The following PRSS54 variants were observed in gnomAD, a reference collection of about 807,000 sequenced individuals.
PRSS54 encodes serine protease 54.
PRSS54 carries 16 observed loss-of-function variants against 19.9 expected under a neutral mutation model. The ratio of observed to expected loss-of-function variants is 0.80; its 90% CI spans 0.54 to 1.22. The LOEUF (loss-of-function observed/expected upper bound fraction) is 1.22, where lower values mean the gene tolerates loss of function less well. PRSS54 is among the 50% of genes most tolerant of loss of function. The pLI, the probability that PRSS54 is intolerant of heterozygous loss-of-function variation, is 0.00. For missense variants in PRSS54, 444 were observed against 494.8 expected (o/e 0.90, Z 0.97); for synonymous variants, 177 against 195.8 (o/e 0.90, Z 0.80).
intron 5 of PRSS54, 75 bp from the exon 6 acceptor site, chr16:58,284,796 T>A: frequency 6.5e-7 from 1 of 1,546,862 alleles, no homozygotes; most frequent in Non-Finnish European, 8.8e-7. Context: ...CTCCCACTCA[T>A]ATAGCCAAAC....
In PRSS54 at chr16:58,293,842, T is replaced by A. The variant is rs1965091799; in HGVS notation, c.-6-20A>T. ...GGGCAGCTGGGGAAACAAAACCCAA[T>A]GACTCCATCCTCTTCCCAAACACAT... On this transcript the variant is annotated intron_variant, in intron 2 of 6. Coordinates refer to ENST00000567164, the MANE Select transcript of PRSS54 (RefSeq NM_001305173.2). The A allele has an allele frequency of 6.3e-7, 1 of 1,598,316 alleles. No homozygotes were observed. Among genetic ancestry groups the A allele is most frequent in the Non-Finnish European group, 8.5e-7 (1 of 1,170,448 alleles).
At chr16:58,293,129 T>G (rs1444041543) in intron 3 of PRSS54, among the ~76,000 whole-genome samples, 2 of 152,042 alleles carry the variant, frequency 1.3e-5, no homozygotes, top group East Asian at 3.9e-4. Context: ...GTGTGTGGAC[T>G]TTCTCATGTC....
intron 3 of PRSS54, among the ~76,000 whole-genome samples, chr16:58,291,899 T>C (rs887174898): frequency 6.6e-6 from 1 of 152,202 alleles, no homozygotes. Flanking sequence ...GCTAGTAGTA[T>C]GTGTGACCTT....
At chr16:58,282,576 GTGA>G (rs1447661016) in intron 6 of PRSS54, 1 of 152,402 alleles carries the variant, frequency 6.6e-6, no homozygotes, top group African/African-American at 2.4e-5. Context: ...TGATTCCCTG[GTGA>G]TCTCTCAGCA....
chr16:58,291,158 TCA>T (rs771934645), intron 3 of PRSS54, 22 bp from the exon 4 acceptor site: 56 of 1,610,512 alleles, frequency 3.5e-5, no homozygotes, highest in Admixed American at 3.0e-4. Flanking sequence ...GTGCGGGGCC[TCA>T]CTGCCGGGGC....
intron 4 of PRSS54, among the ~76,000 whole-genome samples, chr16:58,290,128 A>C (rs1416431313): frequency 4.2e-5 from 6 of 143,762 alleles, no homozygotes; most frequent in African/African-American, 1.5e-4. Context: ...CATATAATAA[A>C]GTATATAATT....
At chr16:58,292,842 C>A (rs1298888076) in intron 3 of PRSS54, among the ~76,000 whole-genome samples, 1 of 152,176 alleles carries the variant, frequency 6.6e-6, no homozygotes. Flanking sequence ...CTCACAAAAC[C>A]CTTGGAAAGC....
Position 58,280,079 on chromosome 16 carries a change from G to C in PRSS54, c.*145C>G. ...CACACCTGGGAGAGGGATAGAGGAG[G>C]GAGAGCCAGCCCAGTGTATGCCATG... On this transcript the variant is annotated 3_prime_UTR_variant, in exon 7 of 7. Transcript: ENST00000567164. The C allele has an allele frequency of 1.3e-6, 1 of 783,106 alleles. No homozygotes were observed. The highest frequency in any genetic ancestry group is 2.0e-6 in the Non-Finnish European group (1 of 488,696). The allele number at this position is 783,106 out of a possible 1,614,324, so 48.5% of individuals were successfully genotyped here. A position where few individuals can be genotyped will look rare whatever the true frequency, so the allele number is the denominator to read the frequency against.
intron 6 of PRSS54, 80 bp from the exon 7 acceptor site, chr16:58,280,837 T>A (rs996244166): frequency 3.0e-6 from 4 of 1,350,584 alleles, no homozygotes; most frequent in African/African-American, 2.9e-5. Context: ...ATATACTGTT[T>A]GTTCTAGAAA....
Position 58,286,114 on chromosome 16 carries a change from G to T in PRSS54, c.345C>A (p.Ile115=), listed in dbSNP as rs748583000. The change falls in exon 5 of 7, where the codon ATC becomes ATA. Residue 115 remains isoleucine (I), a synonymous_variant. Coordinates refer to ENST00000567164, the MANE Select transcript of PRSS54 (RefSeq NM_001305173.2). ...TGTTATCAAAGTCCTCATGGATGAT[G>T]ATGGTATTGACTGGATACTCTGTGT... ...IAHTEYPVNT[I]IIHEDFDNNS... 4.2e-5 allele frequency: 67 copies of T among 1,614,026 alleles called. No homozygotes were observed. Among genetic ancestry groups the T allele is most frequent in the Non-Finnish European group, 4.5e-5 (53 of 1,179,980 alleles).
At position 58,290,098 on chromosome 16, in the gene PRSS54, T is replaced by TACA. The variant is rs11281258; in HGVS notation, c.263+860_263+861insTGT. Among the ~76,000 whole-genome samples, 466 of 148,434 alleles carry TACA rather than the reference T, an allele frequency of 3.1e-3. 3 individuals are homozygous for TACA. Among genetic ancestry groups the TACA allele is most frequent in the South Asian group, 0.027 (127 of 4,742 alleles). ...TATTCCATATACATATATACATATA[T>TACA]TACAATATCATGTATATTACATATA... On this transcript the variant is annotated intron_variant, in intron 4 of 6. Transcript: ENST00000567164.
At chr16:58,286,331 C>T (rs1432897024) in intron 4 of PRSS54, 136 bp from the exon 5 acceptor site, 1 of 886,734 alleles carries the variant, frequency 1.1e-6, no homozygotes, top group Non-Finnish European at 1.7e-6. Context: ...TTCCTCACCC[C>T]TTTGGACTCA....
chr16:58,286,986 A>G (rs1288914476), intron 4 of PRSS54, among the ~76,000 whole-genome samples: 1 of 152,248 alleles, frequency 6.6e-6, no homozygotes, highest in Admixed American at 6.5e-5. Context: ...AATTAGGGGC[A>G]TTGAGAAATA....
intron 5 of PRSS54, 57 bp from the exon 6 acceptor site, chr16:58,284,778 C>T (rs1466305338): frequency 1.3e-6 from 2 of 1,597,268 alleles, no homozygotes; most frequent in East Asian, 2.3e-5. Flanking sequence ...TCCCCTATGT[C>T]AACACAACTC....
rs769817883 is a variant in PRSS54 at position 58,286,001 on chromosome 16, C to T, written c.458G>A (p.Arg153Lys). The T allele has an allele frequency of 1.6e-5, 26 of 1,614,064 alleles. No homozygotes were observed. The South Asian group carries it at 2.9e-4, about 18-fold the overall frequency. The change falls in exon 5 of 7, where the codon AGA becomes AAA. Residue 153 changes from arginine to lysine, a missense_variant. Coordinates refer to ENST00000567164, the MANE Select transcript of PRSS54 (RefSeq NM_001305173.2). ...CAAGACTGGTGGTGTATGCAGCATT[C>T]TGCCGAGGAAGCAGATGGACTGGAC... ...NLVQSICFLGRMLHTPPVLQN... is the reference protein window; with the variant it reads ...NLVQSICFLGKMLHTPPVLQN...
intron 3 of PRSS54, 35 bp from the exon 4 acceptor site, chr16:58,291,171 A>T (rs1965033061): frequency 1.2e-6 from 2 of 1,604,546 alleles, no homozygotes; most frequent in East Asian, 4.5e-5. Context: ...CTGCCGGGGC[A>T]AGGAGACCTC....
rs759941926 is a variant in PRSS54 at position 58,284,690 on chromosome 16, C to T, written c.554G>A (p.Arg185Lys). 4.3e-6 allele frequency: 7 copies of T among 1,614,126 alleles called. No homozygotes were observed. In the South Asian group the frequency reaches 7.7e-5, roughly 18 times the overall value. The part of the protein sequence containing the change: ...TGNHMTMSVL[R>K]KIFVKDLDMC... ...GTCAAGATCTTTCACGAAGATTTTC[C>T]TCAGGACACTCATCGTCATGTGATT... The change falls in exon 6 of 7, where the codon AGG (arginine) becomes AAG (lysine). Residue 185 changes from arginine (R) to lysine (K), a missense_variant. Transcript: ENST00000567164.
At chr16:58,287,078 A>G (rs370945498) in intron 4 of PRSS54, among the ~76,000 whole-genome samples, 3 of 152,372 alleles carry the variant, frequency 2.0e-5, no homozygotes, top group African/African-American at 7.2e-5. Context: ...CAGGAGAACC[A>G]GCTGACCACA....
chr16:58,285,002 A>T (rs757161970), intron 5 of PRSS54, among the ~76,000 whole-genome samples: 10 of 152,072 alleles, frequency 6.6e-5, no homozygotes, highest in Non-Finnish European at 1.5e-4. Context: ...TTTAATAGAG[A>T]TGGAGTTTCA....
Sources: gnomAD v4.1 joint callset for allele counts (sites outside exome capture counted in the v4.1 genomes callset) on GRCh38, gnomAD v4.1.1 for gene constraint, MANE v1.5 for transcripts, NCBI Gene and HGNC (gene_info 2026-07-23, HGNC 2026-07-21) for gene names.